Variants in RAP1GAP2 observed in about 807,000 individuals in gnomAD.
The protein encoded by RAP1GAP2 is RAP1 GTPase activating protein 2, also known as rap1 GTPase-activating protein 2.
RAP1GAP2 carries 27 observed loss-of-function variants against 95.0 expected under a neutral mutation model. That is an observed-to-expected ratio of 0.28 (90% CI 0.21 to 0.39). RAP1GAP2 has a LOEUF of 0.39. Ranked by LOEUF, RAP1GAP2 falls within the 10% of genes least tolerant of loss-of-function variation. The probability of loss-of-function intolerance (pLI) is 1.00; values close to 1 mark genes in which losing one functional copy is unlikely to be tolerated. For synonymous variants in RAP1GAP2, 373 were observed against 380.9 expected, an observed-to-expected ratio of 0.98 and a Z score of 0.24; for missense variants, 771 against 970.0, an observed-to-expected ratio of 0.79 and a Z score of 2.72.
chr17:2,992,844 C>G (rs2045811835), intron 12 of RAP1GAP2, among the ~76,000 whole-genome samples: 1 of 152,160 alleles, frequency 6.6e-6, no homozygotes, highest in African/African-American at 2.4e-5. Flanking sequence ...AACCCCCGCT[C>G]CATCACTTAT....
At chr17:2,807,297 T>G (rs2151491150) in intron 2 of RAP1GAP2, among the ~76,000 whole-genome samples, 1 of 152,332 alleles carries the variant, frequency 6.6e-6, no homozygotes, top group Admixed American at 6.5e-5. Context: ...TTACTGTAGA[T>G]TACAAGAATT....
At chr17:2,832,295 ATG>A (rs2151548505) in intron 2 of RAP1GAP2, among the ~76,000 whole-genome samples, 1 of 151,660 alleles carries the variant, frequency 6.6e-6, no homozygotes, top group East Asian at 1.9e-4. Context: ...GCGGTGGCTC[ATG>A]CCTGTAATCC....
chr17:2,985,709 G>A (rs1006763194), intron 11 of RAP1GAP2, among the ~76,000 whole-genome samples: 1 of 152,198 alleles, frequency 6.6e-6, no homozygotes, highest in East Asian at 1.9e-4. Context: ...TTCTCAAAGT[G>A]TGTTTCATGA....
At chr17:2,829,945 C>T (rs1015809702) in intron 2 of RAP1GAP2, among the ~76,000 whole-genome samples, 4 of 151,672 alleles carry the variant, frequency 2.6e-5, no homozygotes, top group South Asian at 4.1e-4. Context: ...AGCCACCGTA[C>T]CTGGCAGTCT....
chr17:2,785,545 A>T (rs2151454597), intron 1 of RAP1GAP2, among the ~76,000 whole-genome samples: 1 of 152,310 alleles, frequency 6.6e-6, no homozygotes, highest in South Asian at 2.1e-4. Context: ...TGTATGAAAA[A>T]AGCATTGTGA....
intron 17 of RAP1GAP2, among the ~76,000 whole-genome samples, chr17:3,017,073 C>A (rs1437145739): frequency 6.6e-6 from 1 of 152,136 alleles, no homozygotes; most frequent in Admixed American, 6.5e-5. Flanking sequence ...CAGCCAGAGT[C>A]CCCTGGGACT....
At chr17:3,006,325 C>T (rs1166687148) in intron 16 of RAP1GAP2, among the ~76,000 whole-genome samples, 2 of 146,482 alleles carry the variant, frequency 1.4e-5, no homozygotes, top group African/African-American at 5.1e-5. Context: ...GACAGGGTTT[C>T]CTCCATGTTG....
At chr17:2,837,368 C>G (rs972332403) in intron 2 of RAP1GAP2, among the ~76,000 whole-genome samples, 1 of 152,000 alleles carries the variant, frequency 6.6e-6, no homozygotes, top group Admixed American at 6.6e-5. Flanking sequence ...GTATAAACCA[C>G]AAAAACCAAC....
intron 3 of RAP1GAP2, among the ~76,000 whole-genome samples, chr17:2,922,945 CT>C (rs1212790842): frequency 2.0e-5 from 3 of 150,980 alleles, no homozygotes; most frequent in Non-Finnish European, 4.4e-5. Flanking sequence ...ATGGCACGAC[CT>C]TGGCTCACTG....
chr17:2,948,862 T>C (rs1266507344), intron 3 of RAP1GAP2, among the ~76,000 whole-genome samples: 1 of 152,192 alleles, frequency 6.6e-6, no homozygotes, highest in African/African-American at 2.4e-5. Context: ...ACGAGTGCCA[T>C]CTTTTCCCGT....
At chr17:2,875,616 C>G (rs552681814) in intron 2 of RAP1GAP2, among the ~76,000 whole-genome samples, 1 of 152,276 alleles carries the variant, frequency 6.6e-6, no homozygotes, top group African/African-American at 2.4e-5. Context: ...CAGTGCCTCT[C>G]TGGGCCTGAC....
chr17:2,761,660 T>C (rs897297441), intron 1 of RAP1GAP2, among the ~76,000 whole-genome samples: 5 of 152,196 alleles, frequency 3.3e-5, no homozygotes, highest in Non-Finnish European at 1.5e-5. Flanking sequence ...GGGATTGGTT[T>C]CAGCACCCTT....
intron 2 of RAP1GAP2, among the ~76,000 whole-genome samples, chr17:2,836,251 C>A (rs55636904): frequency 0.018 from 2,718 of 151,792 alleles, 34 homozygotes; most frequent in Middle Eastern, 0.024. Flanking sequence ...GTGACAGAAA[C>A]CTTACTCAAA....
intron 18 of RAP1GAP2, among the ~76,000 whole-genome samples, chr17:3,020,221 C>T (rs1443321331): frequency 1.3e-5 from 2 of 152,234 alleles, no homozygotes; most frequent in Non-Finnish European, 2.9e-5. Flanking sequence ...GCCCTGTGTT[C>T]CTCCAACAGT....
rs2046318513 is a variant in RAP1GAP2 at position 3,005,979 on chromosome 17, C to G, written c.1297C>G (p.Leu433Val). ...QKGPEFREFL[L>V]TKLTNAENAC... ...GGGCCCGGAATTCAGGGAGTTTCTGCTCACCAAGCTCACCAATGCCGAGAA... is the reference window on the plus strand; with the variant it reads ...GGGCCCGGAATTCAGGGAGTTTCTGGTCACCAAGCTCACCAATGCCGAGAA... The change falls in exon 16 of 25, where the codon CTC becomes GTC. Residue 433 changes from leucine to valine, a missense_variant. Leu to Val is a conservative substitution (Grantham distance 32). Coordinates refer to ENST00000254695, the MANE Select transcript of RAP1GAP2 (RefSeq NM_015085.5). This position sits in a 1 kb window ranked among gnomAD's most constrained non-coding sequence, Gnocchi z 5.2. 5.0e-6 allele frequency: 8 copies of G among 1,613,962 alleles called. No homozygotes were observed. Among genetic ancestry groups the G allele is most frequent in the Non-Finnish European group, 6.8e-6 (8 of 1,179,872 alleles).
chr17:2,822,626 T>TG (rs2070355501), intron 2 of RAP1GAP2, among the ~76,000 whole-genome samples: 1 of 131,690 alleles, frequency 7.6e-6, no homozygotes, highest in South Asian at 2.6e-4. Context: ...TGTTTTTTTT[T>TG]GTTTTTTTTT....
intron 1 of RAP1GAP2, among the ~76,000 whole-genome samples, chr17:2,791,332 T>C (rs1242252485): frequency 6.6e-6 from 1 of 152,140 alleles, no homozygotes; most frequent in Non-Finnish European, 1.5e-5. Flanking sequence ...TTGTGAACTG[T>C]GACCCACAGC....
chr17:3,008,284 G>A lies in RAP1GAP2; in HGVS notation c.1494+139G>A, dbSNP rs2046398233. On this transcript the variant is annotated intron_variant, in intron 17 of 24. Coordinates refer to ENST00000254695, the MANE Select transcript of RAP1GAP2 (RefSeq NM_015085.5). The surrounding 1 kb of genome is among the most constrained non-coding windows in gnomAD (Gnocchi z 4.2). ...TGACAGGAAACGTATGGGTATCCTA[G>A]GTGTTTGCAAAGGGCAGGGCCGTTA... 7.6e-7 allele frequency: 1 copy of A among 1,317,392 alleles called. No individual in the cohort carries two copies. Among genetic ancestry groups the A allele is most frequent in the Admixed American group, 2.2e-5 (1 of 45,452 alleles). The allele number at this position is 1,317,392 out of a possible 1,614,324, so 81.6% of individuals were successfully genotyped here.
chr17:2,858,982 A>G lies in RAP1GAP2; in HGVS notation c.81-46302A>G, dbSNP rs954261638. Among the ~76,000 whole-genome samples the G allele has an allele frequency of 1.3e-5, 2 of 152,076 alleles. 1 individual carries two copies. Among genetic ancestry groups the G allele is most frequent in the South Asian group, 4.1e-4 (2 of 4,832 alleles). On this transcript the variant is annotated intron_variant, in intron 2 of 24. Transcript: ENST00000254695. ...AAATTAACAGTGATTTCTTAATACC[A>G]TATTTAGTCAGTATTTGAATTTCCC...
Sources: allele counts gnomAD v4.1 joint callset (sites outside exome capture counted in the v4.1 genomes callset), GRCh38; gene constraint gnomAD v4.1.1; non-coding constraint Gnocchi (gnomAD v3.1); transcripts MANE v1.5; gene names NCBI Gene and HGNC (gene_info 2026-07-23, HGNC 2026-07-21).